The following PCLO variants were observed in gnomAD, a reference collection of about 807,000 sequenced individuals.
PCLO encodes the protein piccolo presynaptic cytomatrix protein.
Under a neutral mutation model 427.5 loss-of-function variants are expected in PCLO, and 82 were observed. The ratio of observed to expected loss-of-function variants is 0.19; its 90% CI spans 0.16 to 0.23. The LOEUF is 0.23. PCLO is among the 10% of genes least tolerant of loss of function. The pLI is 1.00. For synonymous variants in PCLO, 2,357 were observed against 2,155.4 expected (o/e 1.09, Z -2.59); for missense variants, 6,239 against 6,115.9 (o/e 1.02, Z -0.67).
intron 2 of PCLO, among the ~76,000 whole-genome samples, chr7:83,148,205 T>A (rs188060953): frequency 4.7e-4 from 71 of 152,276 alleles, no homozygotes; most frequent in African/African-American, 1.7e-3. Flanking sequence ...CCGATTAGAA[T>A]TTTAGTCACC....
chr7:83,009,278 T>A (rs2115978600), intron 3 of PCLO, among the ~76,000 whole-genome samples: 1 of 151,968 alleles, frequency 6.6e-6, no homozygotes, highest in Admixed American at 6.6e-5. Flanking sequence ...CTCATTGGCA[T>A]AATGTTTAAC....
chr7:83,053,803 T>C (rs979318141), intron 3 of PCLO, among the ~76,000 whole-genome samples: 2 of 151,870 alleles, frequency 1.3e-5, no homozygotes. Flanking sequence ...TAACTGAAAA[T>C]AGAGTCCATT....
chr7:82,759,731 T>C lies in PCLO; in HGVS notation c.15288+908A>G, dbSNP rs1216363908. On this transcript the variant is annotated intron_variant, in intron 24 of 24. Transcript: ENST00000333891. ...TTTCCTGTACCATGGTCTCTTCCTA[T>C]ATTTTTTTCTCTTTTCTCATTCCCC... Among the ~76,000 whole-genome samples the C allele has an allele frequency of 2.6e-5, 4 of 151,992 alleles. 1 individual carries two copies. Among genetic ancestry groups the C allele is most frequent in the Admixed American group, 2.0e-4 (3 of 15,204 alleles).
chr7:82,868,835 C>T (rs144119044), intron 10 of PCLO, among the ~76,000 whole-genome samples: 1 of 152,066 alleles, frequency 6.6e-6, no homozygotes, highest in African/African-American at 2.4e-5. Context: ...CAAAAATTTT[C>T]TAAATTTATC....
At chr7:83,118,167 G>C (rs1791180729) in intron 3 of PCLO, among the ~76,000 whole-genome samples, 1 of 152,130 alleles carries the variant, frequency 6.6e-6, no homozygotes, top group Non-Finnish European at 1.5e-5. Flanking sequence ...AAGATTTATA[G>C]AGTTTTAATT....
intron 12 of PCLO, 141 bp from the exon 13 acceptor site, chr7:82,845,626 G>T (rs938510569): frequency 8.0e-6 from 5 of 625,390 alleles, no homozygotes; most frequent in East Asian, 2.7e-5. Context: ...TAACTCTATT[G>T]TACTTTTATG....
At chr7:83,020,829 C>A (rs1182746886) in intron 3 of PCLO, among the ~76,000 whole-genome samples, 1 of 152,032 alleles carries the variant, frequency 6.6e-6, no homozygotes, top group African/African-American at 2.4e-5. Flanking sequence ...ATAAACCAAG[C>A]TTGTGGTATA....
chr7:83,064,064 A>G (rs1230057619), intron 3 of PCLO, among the ~76,000 whole-genome samples: 3 of 152,056 alleles, frequency 2.0e-5, no homozygotes, highest in Non-Finnish European at 2.9e-5. Flanking sequence ...GGTAAGTTGA[A>G]TTCACCTCTA....
intron 3 of PCLO, among the ~76,000 whole-genome samples, chr7:83,000,781 G>T (rs1787804154): frequency 6.6e-6 from 1 of 151,928 alleles, no homozygotes; most frequent in Non-Finnish European, 1.5e-5. Context: ...TATTAACTTG[G>T]ATCTACATAA....
chr7:82,951,184 T>C lies in PCLO; in HGVS notation c.9404A>G (p.His3135Arg), dbSNP rs1046561307. ...ATATGATCTAGGCATTGGCTGGCTATGGTGCATGGCAGGTAATGAAGTCAC... is the reference window on the plus strand; with the variant it reads ...ATATGATCTAGGCATTGGCTGGCTACGGTGCATGGCAGGTAATGAAGTCAC... ...DAVTSLPAMH[H>R]SQPMPRSYFI... Residue 3135 changes from histidine (H) to arginine (R), a missense_variant, in exon 6 of 25, where the codon CAT (histidine) becomes CGT (arginine). His to Arg is a conservative substitution (Grantham distance 29, BLOSUM62 0). Transcript: ENST00000333891. The C allele has an allele frequency of 7.4e-6, 12 of 1,613,638 alleles. No individual in the cohort carries two copies. The African/African-American group carries it at 9.3e-5, about 13-fold the overall frequency.
rs1794397652 is a variant in PCLO, at chr7:82,914,578, G to C, written c.13300+108C>G. 9 of 1,073,420 alleles carry C rather than the reference G, an allele frequency of 8.4e-6. No individual in the cohort carries two copies. The Admixed American group carries it at 1.2e-4, about 14-fold the overall frequency. The allele number at this position is 1,073,420 out of a possible 1,614,324, so 66.5% of individuals were successfully genotyped here. On this transcript the variant is annotated intron_variant, in intron 7 of 24. Transcript: ENST00000333891. Reference sequence around the variant, plus strand: ...ATAAAATTGAAGTAAACATGCAAAAGACACACCAAGAAAAGTAGGATACAT... The same window carrying C: ...ATAAAATTGAAGTAAACATGCAAAACACACACCAAGAAAAGTAGGATACAT...
rs750230771 is a variant in PCLO, at chr7:83,135,262, G to T, written c.2288C>A (p.Thr763Asn). ...TGATGATGAAGATACAAGGTCAGTG[G>T]TTGGCTTTACCATCTTGGGCTGCTT... ...KPKQPKMVKP[T>N]TDLVSSSSAT... Residue 763 changes from threonine (T) to asparagine (N), a missense_variant, in exon 3 of 25, where the codon ACC becomes AAC. Transcript: ENST00000333891. 6.2e-7 allele frequency: 1 copy of T among 1,613,900 alleles called. No individual in the cohort carries two copies. Among genetic ancestry groups the T allele is most frequent in the Middle Eastern group, 1.6e-4 (1 of 6,062 alleles).
At chr7:82,889,061 T>C (rs910440887) in intron 9 of PCLO, among the ~76,000 whole-genome samples, 4 of 149,990 alleles carry the variant, frequency 2.7e-5, no homozygotes, top group Non-Finnish European at 5.9e-5. Context: ...TGAGGAACTA[T>C]TCAGCGGAGC....
intron 2 of PCLO, among the ~76,000 whole-genome samples, chr7:83,152,159 T>C (rs1338083386): frequency 6.6e-6 from 1 of 151,860 alleles, no homozygotes; most frequent in Non-Finnish European, 1.5e-5. Context: ...AGAGACGGGG[T>C]TTCACTGTGT....
At chr7:82,927,733 C>T (rs887189345) in intron 6 of PCLO, among the ~76,000 whole-genome samples, 1 of 152,132 alleles carries the variant, frequency 6.6e-6, no homozygotes, top group African/African-American at 2.4e-5. Flanking sequence ...TATCTTTATA[C>T]ACATCAATTA....
chr7:83,074,151 T>G (rs941309041), intron 3 of PCLO, among the ~76,000 whole-genome samples: 1 of 152,160 alleles, frequency 6.6e-6, no homozygotes, highest in East Asian at 1.9e-4. Flanking sequence ...TTTCTCATTA[T>G]ATCCTTGTAA....
At chr7:82,835,158 A>G (rs1251262011) in intron 16 of PCLO, among the ~76,000 whole-genome samples, 1 of 151,894 alleles carries the variant, frequency 6.6e-6, no homozygotes, top group African/African-American at 2.4e-5. Context: ...GTTAGCTAGG[A>G]TGGTCTCGAT....
At chr7:83,006,404 G>C (rs989329633) in intron 3 of PCLO, among the ~76,000 whole-genome samples, 4 of 151,472 alleles carry the variant, frequency 2.6e-5, no homozygotes, top group African/African-American at 9.7e-5. Context: ...CAAATATTTT[G>C]AACAATAATT....
Position 83,134,649 on chromosome 7 carries a change from G to A in PCLO, c.2901C>T (p.Ala967=). 1.2e-6 allele frequency: 2 copies of A among 1,613,814 alleles called. No homozygotes were observed. Among genetic ancestry groups the A allele is most frequent in the Non-Finnish European group, 1.7e-6 (2 of 1,179,862 alleles). The stretch of plus-strand genomic sequence containing the variant: ...AAGTAGGTGGCTGTGAAGGGGCAGG[G>A]GCTTGTTTCATTGGGGCCCCTGGTC... ...QSGPGAPMKQ[A]PAPSQPPTSQ... is the part of the protein sequence containing the mutation. The change falls in exon 3 of 25, where the codon GCC becomes GCT. Residue 967 remains alanine, a synonymous_variant. Coordinates refer to ENST00000333891, the MANE Select transcript of PCLO (RefSeq NM_033026.6).
Sources: allele counts gnomAD v4.1 joint callset (sites outside exome capture counted in the v4.1 genomes callset), GRCh38; gene constraint gnomAD v4.1.1; transcripts MANE v1.5; gene names NCBI Gene and HGNC (gene_info 2026-07-23, HGNC 2026-07-21).